Variants in PRKG1 observed in about 807,000 individuals in gnomAD.
The protein encoded by PRKG1 is protein kinase cGMP-dependent 1, also known as cGMP-dependent protein kinase 1.
PRKG1 carries 35 observed loss-of-function variants against 88.1 expected under a neutral mutation model. The observed-to-expected ratio is 0.40, with a 90% CI of 0.30 to 0.53. PRKG1 has a LOEUF of 0.53. Ranked by LOEUF, PRKG1 falls within the 20% of genes least tolerant of loss-of-function variation. The probability of loss-of-function intolerance (pLI) is 0.59; values close to 1 mark genes in which losing one functional copy is unlikely to be tolerated. For synonymous variants in PRKG1, 303 were observed against 292.5 expected, an observed-to-expected ratio of 1.04 and a Z score of -0.37; for missense variants, 540 against 839.8, an observed-to-expected ratio of 0.64 and a Z score of 4.41.
intron 9 of PRKG1, among the ~76,000 whole-genome samples, chr10:52,196,029 C>T (rs1409648819): frequency 2.6e-5 from 4 of 151,382 alleles, no homozygotes; most frequent in Non-Finnish European, 5.9e-5. Context: ...TTTTTTTTTC[C>T]TGAGATGGAG....
At chr10:52,035,703 A>G (rs9651310) in intron 5 of PRKG1, among the ~76,000 whole-genome samples, 8,957 of 152,244 alleles carry the variant, frequency 0.059, 674 homozygotes, top group East Asian at 0.44. Context: ...GAGTGGGTAC[A>G]GCTGAAGGAG....
intron 3 of PRKG1, among the ~76,000 whole-genome samples, chr10:51,525,821 T>C (rs1167540791): frequency 1.3e-5 from 2 of 151,296 alleles, no homozygotes; most frequent in African/African-American, 4.8e-5. Context: ...TAGCCATCAC[T>C]CTTAGCACTT....
At chr10:51,233,977 G>A (rs1489365858) in intron 2 of PRKG1, among the ~76,000 whole-genome samples, 8 of 152,040 alleles carry the variant, frequency 5.3e-5, no homozygotes, top group South Asian at 2.1e-4. Flanking sequence ...TGTAGGGAAC[G>A]GTCTCTTTAG....
chr10:51,022,109 T>A (rs891980445), intron 1 of PRKG1, among the ~76,000 whole-genome samples: 4 of 152,196 alleles, frequency 2.6e-5, no homozygotes, highest in African/African-American at 7.2e-5. Flanking sequence ...TCAATTCTAG[T>A]CATTACTGGA....
chr10:51,575,403 C>T (rs1449449245), intron 3 of PRKG1, among the ~76,000 whole-genome samples: 1 of 151,892 alleles, frequency 6.6e-6, no homozygotes, highest in African/African-American at 2.4e-5. Flanking sequence ...TTTTTAATTA[C>T]TCAACAGTTT....
intron 2 of PRKG1, among the ~76,000 whole-genome samples, chr10:51,359,890 G>A (rs1001620955): frequency 6.6e-6 from 1 of 151,712 alleles, no homozygotes; most frequent in Non-Finnish European, 1.5e-5. Context: ...TTAAATTCTG[G>A]GCCAGAGAGC....
rs192944343 is a variant in PRKG1 at position 52,015,853 on chromosome 10, C to T, written c.763-38631C>T. On this transcript the variant is annotated intron_variant, in intron 5 of 17. Coordinates refer to ENST00000373980, the MANE Select transcript of PRKG1 (RefSeq NM_006258.4). ...GTTCAACGGATCTTTAGGGCAGGGG[C>T]GAAATGCTGCCAGTGTCTTTGCTAA... 4.1e-4 allele frequency among the ~76,000 whole-genome samples: 62 copies of T among 152,262 alleles called. 1 individual carries two copies. The Middle Eastern group carries it at 0.01, about 25-fold the overall frequency.
chr10:51,204,367 CGTGTGTGT>C (rs34624885), intron 2 of PRKG1, among the ~76,000 whole-genome samples: 13 of 145,860 alleles, frequency 8.9e-5, no homozygotes, highest in Non-Finnish European at 6.0e-5. Flanking sequence ...AGTAGACCTC[CGTGTGTGT>C]GTGTGTGTGT....
rs373631106 is a variant in PRKG1 at position 51,503,082 on chromosome 10, C to T, written c.592+35246C>T. Among the ~76,000 whole-genome samples, 3 of 152,102 alleles carry T rather than the reference C, an allele frequency of 2.0e-5. No homozygotes were observed. In the South Asian group the frequency reaches 6.2e-4, roughly 31 times the overall value. On this transcript the variant is annotated intron_variant, in intron 3 of 17. Coordinates refer to ENST00000373980, the MANE Select transcript of PRKG1 (RefSeq NM_006258.4). ...CTAACAAATCATCATGTAGGTCATACTCTATCCTTCTTTAAAGGAGGAGGG... is the reference window on the plus strand; with the variant it reads ...CTAACAAATCATCATGTAGGTCATATTCTATCCTTCTTTAAAGGAGGAGGG...
intron 5 of PRKG1, among the ~76,000 whole-genome samples, chr10:52,022,423 G>C (rs769743522): frequency 2.7e-4 from 41 of 152,082 alleles, no homozygotes; most frequent in Non-Finnish European, 4.6e-4. Context: ...TGCAGATTTG[G>C]TACTCTAATT....
chr10:52,216,497 C>T (rs1413536401), intron 9 of PRKG1, among the ~76,000 whole-genome samples: 1 of 152,126 alleles, frequency 6.6e-6, no homozygotes, highest in African/African-American at 2.4e-5. Flanking sequence ...GATGGAACAT[C>T]CAAAATAGAA....
chr10:51,461,135 T>C (rs1484409855), intron 2 of PRKG1, among the ~76,000 whole-genome samples: 1 of 152,138 alleles, frequency 6.6e-6, no homozygotes, highest in Non-Finnish European at 1.5e-5. Flanking sequence ...ATAACGAAAA[T>C]TGTTTCAAGT....
chr10:51,762,395 C>A (rs146275131), intron 3 of PRKG1, among the ~76,000 whole-genome samples: 7 of 152,134 alleles, frequency 4.6e-5, no homozygotes, highest in African/African-American at 1.7e-4. Flanking sequence ...TGATAAAGCT[C>A]TTATTGATTG....
intron 1 of PRKG1, among the ~76,000 whole-genome samples, chr10:51,000,103 G>A (rs1258298012): frequency 6.6e-6 from 1 of 152,190 alleles, no homozygotes; most frequent in East Asian, 1.9e-4. Flanking sequence ...AATATCCTGT[G>A]CTTTACTCTG....
chr10:51,345,983 T>C (rs1444137269), intron 2 of PRKG1, among the ~76,000 whole-genome samples: 2 of 152,352 alleles, frequency 1.3e-5, no homozygotes, highest in African/African-American at 4.8e-5. Flanking sequence ...TTCAAGGCTC[T>C]TGATTCTCTG....
intron 3 of PRKG1, among the ~76,000 whole-genome samples, chr10:51,627,955 T>A (rs1564579637): frequency 9.5e-5 from 2 of 21,084 alleles, no homozygotes; most frequent in African/African-American, 2.1e-4. Flanking sequence ...TCTTTCTTTC[T>A]TTCTTTCTTT....
At chr10:51,785,113 G>T (rs1355577411) in intron 3 of PRKG1, among the ~76,000 whole-genome samples, 17 of 147,648 alleles carry the variant, frequency 1.2e-4, no homozygotes, top group Admixed American at 1.1e-3. Context: ...ATAGCTTCTT[G>T]ATTTCTTCTT....
At chr10:51,005,248 A>G (rs1437172588) in intron 1 of PRKG1, among the ~76,000 whole-genome samples, 1 of 150,934 alleles carries the variant, frequency 6.6e-6, no homozygotes, top group Non-Finnish European at 1.5e-5. Flanking sequence ...TGCAGGAGTA[A>G]CAGGGTAGGT....
At chr10:51,640,170 C>T (rs1839762028) in intron 3 of PRKG1, among the ~76,000 whole-genome samples, 1 of 152,194 alleles carries the variant, frequency 6.6e-6, no homozygotes, top group African/African-American at 2.4e-5. Context: ...AATGTATCTT[C>T]CAATTGTACA....
Sources: allele counts gnomAD v4.1 joint callset (sites outside exome capture counted in the v4.1 genomes callset), GRCh38; gene constraint gnomAD v4.1.1; transcripts MANE v1.5; gene names NCBI Gene and HGNC (gene_info 2026-07-23, HGNC 2026-07-21).